TBC1D5: variants seen among roughly 807,000 people sequenced by gnomAD.
The protein encoded by TBC1D5 is TBC1 domain family member 5.
In TBC1D5, 75 loss-of-function variants were observed where a neutral mutation model predicts 100.3. The observed-to-expected ratio is 0.75, with a 90% CI of 0.62 to 0.91. The LOEUF (loss-of-function observed/expected upper bound fraction) is 0.91, where lower values mean the gene tolerates loss of function less well. Among genes scored for constraint, TBC1D5 ranks in the 40% least tolerant of loss-of-function variants. The probability of loss-of-function intolerance (pLI) is 0.00; values close to 1 mark genes in which losing one functional copy is unlikely to be tolerated. For missense variants in TBC1D5, 910 were observed against 942.4 expected, an observed-to-expected ratio of 0.97 and a Z score of 0.45; for synonymous variants, 323 against 325.6, an observed-to-expected ratio of 0.99 and a Z score of 0.09.
Position 17,441,425 on chromosome 3 carries a change from GA to G in TBC1D5, c.98-12907del, listed in dbSNP as rs774824089. 1.3e-3 allele frequency among the ~76,000 whole-genome samples: 192 copies of G among 152,276 alleles called. 1 individual carries two copies. The highest frequency in any genetic ancestry group is 4.8e-3 in the Admixed American group (74 of 15,294). The stretch of plus-strand genomic sequence containing the variant: ...AAGATGAAGGTAATATCTGATTTTG[GA>G]TTCTAACGACAAGAAAAAAGTCAGC... On this transcript the variant is annotated intron_variant, in intron 3 of 21. Transcript: ENST00000253692.
At chr3:17,471,889 A>G (rs184410453) in intron 3 of TBC1D5, among the ~76,000 whole-genome samples, 1 of 152,292 alleles carries the variant, frequency 6.6e-6, no homozygotes, top group African/African-American at 2.4e-5. Context: ...GATAAAATGC[A>G]CTGAATTACA....
chr3:17,563,612 C>T (rs955551768), intron 2 of TBC1D5, among the ~76,000 whole-genome samples: 11 of 152,108 alleles, frequency 7.2e-5, no homozygotes, highest in African/African-American at 2.7e-4. Flanking sequence ...ATTAAGATTT[C>T]AAAACAGTAT....
chr3:17,325,134 C>T (rs2085922883), intron 13 of TBC1D5, among the ~76,000 whole-genome samples: 1 of 152,062 alleles, frequency 6.6e-6, no homozygotes, highest in Non-Finnish European at 1.5e-5. Context: ...AATATGTTTA[C>T]ACAAACACCT....
intron 17 of TBC1D5, among the ~76,000 whole-genome samples, chr3:17,214,747 C>T (rs977728195): frequency 1.3e-5 from 2 of 151,920 alleles, no homozygotes; most frequent in Non-Finnish European, 2.9e-5. Context: ...TATTATACTG[C>T]ACTTTACATT....
At chr3:17,212,944 C>T (rs2073159284) in intron 18 of TBC1D5, among the ~76,000 whole-genome samples, 1 of 151,948 alleles carries the variant, frequency 6.6e-6, no homozygotes, top group African/African-American at 2.4e-5. Context: ...TTTAGTGTAG[C>T]CTAAGTGTAC....
At chr3:17,625,351 T>G (rs2062966857) in intron 1 of TBC1D5, among the ~76,000 whole-genome samples, 1 of 152,120 alleles carries the variant, frequency 6.6e-6, no homozygotes, top group Non-Finnish European at 1.5e-5. Flanking sequence ...AATTAGCATC[T>G]GAATTCAGGG....
intron 15 of TBC1D5, among the ~76,000 whole-genome samples, chr3:17,275,376 G>A (rs1024538047): frequency 6.6e-6 from 1 of 151,954 alleles, no homozygotes; most frequent in Non-Finnish European, 1.5e-5. Flanking sequence ...CCGTCTCTAC[G>A]AAAGAGTGAA....
chr3:17,739,303 T>C (rs2077208561), intron 1 of TBC1D5: 1 of 152,250 alleles, frequency 6.6e-6, no homozygotes, highest in South Asian at 2.1e-4. Context: ...GAAGGGATTA[T>C]ATATTCATTT....
At chr3:17,178,896 C>T (rs756005024) in intron 19 of TBC1D5, among the ~76,000 whole-genome samples, 13 of 152,246 alleles carry the variant, frequency 8.5e-5, no homozygotes, top group South Asian at 8.3e-4. Context: ...CCTCCTGCTT[C>T]GGCCTCCCAA....
At chr3:17,259,042 T>G (rs576613392) in intron 15 of TBC1D5, among the ~76,000 whole-genome samples, 3 of 152,332 alleles carry the variant, frequency 2.0e-5, no homozygotes, top group East Asian at 3.9e-4. Flanking sequence ...GATGGCACAC[T>G]GAGACTTTCT....
At position 17,520,433 on chromosome 3, in the gene TBC1D5, G is replaced by A. The variant is rs374284351; in HGVS notation, c.-35-11828C>T. ...AGGTTAAGATCTGCAATTATTCATT[G>A]AAACATGATTTTTTTCAATGAATTT... On this transcript the variant is annotated intron_variant, in intron 2 of 21. Transcript: ENST00000253692. Among the ~76,000 whole-genome samples the A allele has an allele frequency of 1.9e-4, 29 of 152,230 alleles. No individual in the cohort carries two copies. The South Asian group carries it at 6.0e-3, about 32-fold the overall frequency.
At chr3:17,689,685 TC>T (rs2070834137) in intron 1 of TBC1D5, among the ~76,000 whole-genome samples, 1 of 152,156 alleles carries the variant, frequency 6.6e-6, no homozygotes, top group Non-Finnish European at 1.5e-5. Context: ...CCTCTGTGTC[TC>T]AGATCAAAAT....
In TBC1D5 at chr3:17,243,560, C is replaced by T. The variant is rs149697801; in HGVS notation, c.1332-5141G>A. Among the ~76,000 whole-genome samples the T allele has an allele frequency of 1.4e-3, 211 of 151,910 alleles. 1 individual carries two copies. Among genetic ancestry groups the T allele is most frequent in the African/African-American group, 4.8e-3 (201 of 41,446 alleles). ...AATGAAAAAAAGACTAAAAAATTTG[C>T]AATTTAAAATAATCTCAACAGGCTA... is the stretch of plus-strand genomic sequence containing the variant. On this transcript the variant is annotated intron_variant, in intron 16 of 21. Coordinates refer to ENST00000253692, the Ensembl canonical transcript of TBC1D5.
At chr3:17,473,231 C>A (rs973780020) in intron 3 of TBC1D5, among the ~76,000 whole-genome samples, 1 of 152,008 alleles carries the variant, frequency 6.6e-6, no homozygotes, top group African/African-American at 2.4e-5. Context: ...GGCAACATAG[C>A]GAGACTCTGT....
intron 19 of TBC1D5, among the ~76,000 whole-genome samples, chr3:17,181,393 G>C (rs1400762501): frequency 6.6e-6 from 1 of 152,218 alleles, no homozygotes; most frequent in African/African-American, 2.4e-5. Flanking sequence ...GAGTTAAAAG[G>C]AAAGATGAGA....
At chr3:17,359,491 T>C (rs1490386789) in intron 13 of TBC1D5, among the ~76,000 whole-genome samples, 1 of 152,066 alleles carries the variant, frequency 6.6e-6, no homozygotes, top group Non-Finnish European at 1.5e-5. Flanking sequence ...AGAATTGTCA[T>C]ACAAGATGCA....
chr3:17,516,877 T>C lies in TBC1D5; in HGVS notation c.-35-8272A>G, dbSNP rs553541127. Reference sequence around the variant, plus strand: ...CACTCTCCCTTCTCCCTCAACATGCTCTGGCTACCTAAGTCTTCTTTCTAT... The same window carrying C: ...CACTCTCCCTTCTCCCTCAACATGCCCTGGCTACCTAAGTCTTCTTTCTAT... On this transcript the variant is annotated intron_variant, in intron 2 of 21. Transcript: ENST00000253692. Among the ~76,000 whole-genome samples, 29 of 152,278 alleles carry C rather than the reference T, an allele frequency of 1.9e-4. 2 individuals carry two copies. In the South Asian group the frequency reaches 4.4e-3, roughly 23 times the overall value.
chr3:17,262,414 C>G (rs965040005), intron 15 of TBC1D5, among the ~76,000 whole-genome samples: 2 of 151,286 alleles, frequency 1.3e-5, no homozygotes, highest in Non-Finnish European at 2.9e-5. Context: ...CAGTACATGA[C>G]TGTATTTTAA....
chr3:17,185,271 T>G (rs1242649444), intron 18 of TBC1D5, 63 bp from the exon 20 acceptor site: 4 of 1,419,086 alleles, frequency 2.8e-6, no homozygotes, highest in Non-Finnish European at 3.9e-6. Flanking sequence ...TCTCCAAAGT[T>G]TTCTAAATGA....
Sources: gnomAD v4.1 joint callset for allele counts (sites outside exome capture counted in the v4.1 genomes callset) on GRCh38, gnomAD v4.1.1 for gene constraint, MANE v1.5 for transcripts, NCBI Gene and HGNC (gene_info 2026-07-23, HGNC 2026-07-21) for gene names.